RAPGEF2: variants seen among roughly 807,000 people sequenced by gnomAD.
RAPGEF2 encodes PDZ domain containing guanine nucleotide exchange factor (GEF) 1.
Under a neutral mutation model 186.7 loss-of-function variants are expected in RAPGEF2, and 54 were observed. The observed-to-expected ratio is 0.29, with a 90% confidence interval of 0.23 to 0.36. The LOEUF is 0.36. Ranked by LOEUF, RAPGEF2 falls within the 10% of genes least tolerant of loss-of-function variation. The pLI is 1.00. For missense variants in RAPGEF2, 1,532 were observed against 2,045.0 expected (o/e 0.75, Z 4.84); for synonymous variants, 712 against 705.9 (o/e 1.01, Z -0.14).
At chr4:159,140,223 T>C (rs915516182) in intron 1 of RAPGEF2, among the ~76,000 whole-genome samples, 1 of 152,228 alleles carries the variant, frequency 6.6e-6, no homozygotes, top group African/African-American at 2.4e-5. Flanking sequence ...AGAAATAGTT[T>C]TAGTGTAGTT....
At chr4:159,270,790 CT>C (rs1055627051) in intron 7 of RAPGEF2, among the ~76,000 whole-genome samples, 12 of 152,286 alleles carry the variant, frequency 7.9e-5, no homozygotes, top group South Asian at 2.1e-4. Context: ...ACACCTCCCC[CT>C]ATTTCCATTT....
chr4:159,190,816 A>G (rs771231966), intron 2 of RAPGEF2, among the ~76,000 whole-genome samples: 2 of 152,150 alleles, frequency 1.3e-5, no homozygotes, highest in Non-Finnish European at 2.9e-5. Flanking sequence ...AGTTATCACC[A>G]CTGATCCCTC....
chr4:159,330,263 A>ATGTGTGTGTG (rs1278340762), intron 12 of RAPGEF2, 71 bp from the exon 13 acceptor site: 33 of 410,464 alleles, frequency 8.0e-5, no homozygotes, highest in African/African-American at 2.4e-4. Flanking sequence ...GTGTATATGT[A>ATGTGTGTGTG]TATGTGTGTG....
chr4:159,350,965 A>G (rs1167240403), intron 26 of RAPGEF2: 9 of 1,345,044 alleles, frequency 6.7e-6, no homozygotes, highest in East Asian at 2.5e-5. Flanking sequence ...TACTTGGTAG[A>G]TATTTCAGAC....
intron 4 of RAPGEF2, among the ~76,000 whole-genome samples, chr4:159,237,487 G>T (rs889303444): frequency 6.6e-6 from 1 of 152,026 alleles, no homozygotes; most frequent in African/African-American, 2.4e-5. Context: ...ATGATAGAAG[G>T]AGAATGTTGG....
At chr4:159,168,286 G>C (rs914923567) in intron 1 of RAPGEF2, among the ~76,000 whole-genome samples, 1 of 152,090 alleles carries the variant, frequency 6.6e-6, no homozygotes, top group African/African-American at 2.4e-5. Flanking sequence ...CCCCAGAAAG[G>C]CTGAGGAATT....
chr4:159,109,681 A>T (rs1339215953), intron 1 of RAPGEF2, among the ~76,000 whole-genome samples: 1 of 152,230 alleles, frequency 6.6e-6, no homozygotes. Context: ...CTATCCTATG[A>T]CAGCACTGAA....
intron 4 of RAPGEF2, among the ~76,000 whole-genome samples, chr4:159,224,289 T>G (rs191498816): frequency 6.6e-6 from 1 of 152,348 alleles, no homozygotes; most frequent in African/African-American, 2.4e-5. Context: ...TTTCATTGAT[T>G]ATCTATGTCA....
intron 4 of RAPGEF2, among the ~76,000 whole-genome samples, chr4:159,236,985 A>G (rs978017198): frequency 3.9e-5 from 6 of 152,134 alleles, no homozygotes; most frequent in African/African-American, 1.4e-4. Context: ...TTTTTTTCAA[A>G]TATGTTAAAT....
At chr4:159,236,226 A>G (rs1245037999) in intron 4 of RAPGEF2, among the ~76,000 whole-genome samples, 3 of 152,164 alleles carry the variant, frequency 2.0e-5, no homozygotes, top group African/African-American at 7.2e-5. Flanking sequence ...AAGTTTCATC[A>G]GGCTGTAGTG....
At chr4:159,170,376 C>T (rs1371827364) in intron 1 of RAPGEF2, among the ~76,000 whole-genome samples, 1 of 152,078 alleles carries the variant, frequency 6.6e-6, no homozygotes, top group African/African-American at 2.4e-5. Flanking sequence ...CAGATTCAAC[C>T]AACCATGGAT....
chr4:159,186,391 A>T (rs1747560342), intron 1 of RAPGEF2, among the ~76,000 whole-genome samples: 1 of 152,084 alleles, frequency 6.6e-6, no homozygotes, highest in Non-Finnish European at 1.5e-5. Flanking sequence ...ATTTATGAGG[A>T]ATTTATTTTT....
intron 7 of RAPGEF2, among the ~76,000 whole-genome samples, chr4:159,276,116 T>C (rs1758830632): frequency 6.6e-6 from 1 of 152,190 alleles, no homozygotes; most frequent in African/African-American, 2.4e-5. Flanking sequence ...TTGAGTTCCT[T>C]GTCAGTAAAG....
Position 159,314,750 on chromosome 4 carries a change from C to A in RAPGEF2, c.835C>A (p.Arg279=), listed in dbSNP as rs1399687985. The part of the protein sequence containing the change: ...RDCLEKDPID[R]TDDDIEQLLE... ...CTGCCTAGAGAAGGACCCAATTGAC[C>A]GGACAGATGATGACATTGGTAAGCT... The change falls in exon 9 of 30, where the codon CGG becomes AGG. Residue 279 remains arginine (R), a synonymous_variant. Coordinates refer to ENST00000691494, the MANE Select transcript of RAPGEF2 (RefSeq NM_001394067.2). The A allele has an allele frequency of 3.1e-6, 5 of 1,603,994 alleles. No individual in the cohort carries two copies. Among genetic ancestry groups the A allele is most frequent in the South Asian group, 1.1e-5 (1 of 89,132 alleles).
Position 159,353,289 on chromosome 4 carries a change from G to A in RAPGEF2, c.4092-198G>A, listed in dbSNP as rs1261444381. On this transcript the variant is annotated intron_variant, in intron 27 of 29. Transcript: ENST00000691494. The surrounding 1 kb of genome is among the most constrained non-coding windows in gnomAD (Gnocchi z 4.3). ...CGTTGCGTTCTTTTCCCGCATGCCT[G>A]TTTTATAGTAATGATAAAGTCAGAA... Among the ~76,000 whole-genome samples the A allele has an allele frequency of 1.3e-5, 2 of 150,988 alleles. No homozygotes were observed. The highest frequency in any genetic ancestry group is 2.4e-5 in the African/African-American group (1 of 40,966).
chr4:159,343,246 C>T (rs1196275084), intron 21 of RAPGEF2, 35 bp from the exon 22 acceptor site: 2 of 1,613,928 alleles, frequency 1.2e-6, no homozygotes, highest in South Asian at 1.1e-5. Flanking sequence ...GAATAAATGC[C>T]ATGTGATTTC....
chr4:159,352,803 G>A lies in RAPGEF2; in HGVS notation c.3984G>A (p.Leu1328=). ...CTTTTGACTCAGTGCCAGTCTCACT[G>A]CACGATGAGAGGCGCCAGAGGCATT... The part of the protein sequence containing the change: ...NSSFDSVPVS[L]HDERRQRHSV... Residue 1328 remains leucine, a synonymous_variant, in exon 27 of 30, where the codon CTG becomes CTA. Coordinates refer to ENST00000691494, the MANE Select transcript of RAPGEF2 (RefSeq NM_001394067.2). The A allele has an allele frequency of 6.2e-7, 1 of 1,614,198 alleles. No homozygotes were observed. Among genetic ancestry groups the A allele is most frequent in the South Asian group, 1.1e-5 (1 of 91,090 alleles).
intron 4 of RAPGEF2, among the ~76,000 whole-genome samples, chr4:159,224,146 G>A (rs1246482393): frequency 6.6e-6 from 1 of 152,138 alleles, no homozygotes; most frequent in Non-Finnish European, 1.5e-5. Context: ...TGGTCCGCCT[G>A]CCTTGGCCTC....
At chr4:159,239,097 A>C (rs970633487) in intron 5 of RAPGEF2, among the ~76,000 whole-genome samples, 7 of 152,198 alleles carry the variant, frequency 4.6e-5, no homozygotes, top group African/African-American at 7.2e-5. Context: ...AATGCCAAAA[A>C]AATTTAAAAA....
Sources: allele counts gnomAD v4.1 joint callset (sites outside exome capture counted in the v4.1 genomes callset), GRCh38; gene constraint gnomAD v4.1.1; non-coding constraint Gnocchi (gnomAD v3.1); transcripts MANE v1.5; gene names NCBI Gene and HGNC (gene_info 2026-07-23, HGNC 2026-07-21).